The following VPS53 variants were observed in gnomAD, a reference collection of about 807,000 sequenced individuals.
The protein encoded by VPS53 is vacuolar protein sorting-associated protein 53 homolog.
Under a neutral mutation model 107.0 loss-of-function variants are expected in VPS53, and 70 were observed. The ratio of observed to expected loss-of-function variants is 0.65; its 90% confidence interval spans 0.54 to 0.80. The LOEUF (loss-of-function observed/expected upper bound fraction) is 0.80, where lower values mean the gene tolerates loss of function less well. Among genes scored for constraint, VPS53 ranks in the 30% least tolerant of loss-of-function variants. VPS53 has a pLI of 0.00. For missense variants in VPS53, 917 were observed against 1,049.4 expected, an observed-to-expected ratio of 0.87 and a Z score of 1.74; for synonymous variants, 409 against 393.3, an observed-to-expected ratio of 1.04 and a Z score of -0.47.
intron 2 of VPS53, among the ~76,000 whole-genome samples, chr17:700,412 T>TCAAACTCC (rs1973153890): frequency 1.5e-4 from 22 of 150,976 alleles, no homozygotes; most frequent in Admixed American, 1.1e-3. Flanking sequence ...TTAGGCAGGC[T>TCAAACTCC]TGGTGGTGGG....
chr17:690,737 T>G (rs966464258), intron 4 of VPS53, among the ~76,000 whole-genome samples: 1 of 147,294 alleles, frequency 6.8e-6, no homozygotes, highest in African/African-American at 2.4e-5. Context: ...AAATAAAAAA[T>G]CTCAGCAAAT....
intron 17 of VPS53, among the ~76,000 whole-genome samples, chr17:551,450 C>A (rs1911810410): frequency 6.6e-6 from 1 of 152,064 alleles, no homozygotes; most frequent in African/African-American, 2.4e-5. Flanking sequence ...CACCTGTGGT[C>A]TCAGCTACTT....
chr17:709,295 T>G (rs1416940592), intron 2 of VPS53, among the ~76,000 whole-genome samples: 2 of 152,108 alleles, frequency 1.3e-5, no homozygotes, highest in Non-Finnish European at 2.9e-5. Context: ...TTTGTTGGTT[T>G]ATTTCTTGTC....
At chr17:531,513 T>C (rs1459058224) in intron 19 of VPS53, among the ~76,000 whole-genome samples, 1 of 152,170 alleles carries the variant, frequency 6.6e-6, no homozygotes, top group African/African-American at 2.4e-5. Flanking sequence ...CTCTTTTTTT[T>C]TTTGTGGGGC....
Position 519,928 on chromosome 17 carries a change from T to C in VPS53, c.2226A>G (p.Val742=). 6.4e-7 allele frequency: 1 copy of C among 1,550,506 alleles called. No homozygotes were observed. Among genetic ancestry groups the C allele is most frequent in the Non-Finnish European group, 8.7e-7 (1 of 1,146,000 alleles). ...CCAACGGTTCATGAGGGGCCATCACTACCTACAGCGGGAGGAGACAGGAGC... is the reference window on the plus strand; with the variant it reads ...CCAACGGTTCATGAGGGGCCATCACCACCTACAGCGGGAGGAGACAGGAGC... ...GMTRAEMILK[V]VMAPHEPLVV... is the part of the protein sequence containing the mutation. The change falls in exon 21 of 22, where the codon GTA becomes GTG. Residue 742 remains valine (V), a splice_region_variant and synonymous_variant. Transcript: ENST00000437048. The surrounding 1 kb of genome is among the most constrained non-coding windows in gnomAD (Gnocchi z 5.0).
rs147799473 is a variant in VPS53, at chr17:547,021, C to T, written c.1866+4851G>A. Among the ~76,000 whole-genome samples, 339 of 151,988 alleles carry T rather than the reference C, an allele frequency of 2.2e-3. 1 individual carries two copies. The highest frequency in any genetic ancestry group is 7.8e-3 in the African/African-American group (322 of 41,464). The stretch of plus-strand genomic sequence containing the variant: ...TCCCAAGTAGCTGGGATTACAGGCA[C>T]GCACGCTACCACACCCGGCTAATTT... On this transcript the variant is annotated intron_variant, in intron 17 of 21. Transcript: ENST00000437048.
intron 4 of VPS53, among the ~76,000 whole-genome samples, chr17:683,014 A>T (rs896934539): frequency 8.5e-5 from 13 of 152,236 alleles, no homozygotes; most frequent in Non-Finnish European, 1.3e-4. Context: ...ACATGGTGTC[A>T]GAGCTGAAGA....
At chr17:697,614 A>G (rs1567748116) in intron 3 of VPS53, 130 bp from the exon 4 acceptor site, 1 of 719,602 alleles carries the variant, frequency 1.4e-6, no homozygotes, top group Non-Finnish European at 2.4e-6. Context: ...AAAACCAAAC[A>G]TGTGTGAGTG....
At chr17:690,967 C>A (rs1466585868) in intron 4 of VPS53, among the ~76,000 whole-genome samples, 1 of 152,164 alleles carries the variant, frequency 6.6e-6, no homozygotes, top group Non-Finnish European at 1.5e-5. Flanking sequence ...GACCCCCAGT[C>A]CCTAAGTTAA....
intron 4 of VPS53, among the ~76,000 whole-genome samples, chr17:694,808 T>C (rs548722940): frequency 6.6e-6 from 1 of 152,276 alleles, no homozygotes; most frequent in South Asian, 2.1e-4. Flanking sequence ...CGCTCTGTCA[T>C]CCGGGCTGGA....
chr17:579,394 T>C (rs569623711), intron 13 of VPS53, among the ~76,000 whole-genome samples: 1 of 150,708 alleles, frequency 6.6e-6, no homozygotes, highest in African/African-American at 2.5e-5. Context: ...AGAATCTCAG[T>C]GCATTACCGG....
chr17:529,645 C>G (rs1008865798), intron 19 of VPS53, among the ~76,000 whole-genome samples: 2 of 152,060 alleles, frequency 1.3e-5, no homozygotes, highest in African/African-American at 4.8e-5. Context: ...TTTTAAAGGT[C>G]TTTATGGATT....
At chr17:701,598 G>A (rs1004629748) in intron 2 of VPS53, among the ~76,000 whole-genome samples, 24 of 151,972 alleles carry the variant, frequency 1.6e-4, no homozygotes, top group African/African-American at 5.6e-4. Context: ...GGATGGTCTC[G>A]ATCTCTTGAC....
At chr17:581,084 C>T (rs1966990371) in intron 13 of VPS53, among the ~76,000 whole-genome samples, 1 of 152,198 alleles carries the variant, frequency 6.6e-6, no homozygotes, top group Middle Eastern at 3.4e-3. Context: ...CAGAGAACTT[C>T]CCTCAGGACC....
At chr17:697,565 T>A in intron 3 of VPS53, 81 bp from the exon 4 acceptor site, 1 of 1,200,492 alleles carries the variant, frequency 8.3e-7, no homozygotes, top group East Asian at 2.3e-5. Flanking sequence ...AAAAAGTAAT[T>A]TATTCATCAA....
rs11397361 is a variant in VPS53, at chr17:518,284, CGGG to C, written c.*841_*843del. On this transcript the variant is annotated 3_prime_UTR_variant, in exon 22 of 22. Coordinates refer to ENST00000437048, the MANE Select transcript of VPS53 (RefSeq NM_001128159.3). ...GAGAGCCCGCGGTGGACAGGAAGGG[CGGG>C]GGGGGCGGGCAGGCTGCGTGCCAGG... 5.6e-5 allele frequency: 7 copies of C among 125,786 alleles called. No individual in the cohort carries two copies. Among genetic ancestry groups the C allele is most frequent in the African/African-American group, 1.9e-4 (7 of 37,662 alleles). The allele number at this position is 125,786 out of a possible 1,614,324, so 7.8% of individuals were successfully genotyped here.
rs34869514 is a variant in VPS53 at position 662,773 on chromosome 17, G to GAAAGAAAGAAAGAAAGAAAGAA, written c.286-879_286-878insTTCTTTCTTTCTTTCTTTCTTT. Among the ~76,000 whole-genome samples the GAAAGAAAGAAAGAAAGAAAGAA allele has an allele frequency of 1.3e-4, 8 of 59,428 alleles. No individual in the cohort carries two copies. In the East Asian group the frequency reaches 1.3e-3, roughly 10 times the overall value. The allele number at this position is 59,428 out of a possible 152,430, so 39.0% of individuals were successfully genotyped here. A position where few individuals can be genotyped will look rare whatever the true frequency, so the allele number is the denominator to read the frequency against. The stretch of plus-strand genomic sequence containing the variant: ...AAAGAGAAAGAAAGAAAGAAAGAAA[G>GAAAGAAAGAAAGAAAGAAAGAA]AGAAAGAAAGAAAAAAAGAAAGAGA... On this transcript the variant is annotated intron_variant, in intron 4 of 21. Transcript: ENST00000437048.
rs1968340468 is a variant in VPS53 at position 601,834 on chromosome 17, C to T, written c.1179G>A (p.Glu393=). Residue 393 remains glutamate, a synonymous_variant, in exon 12 of 22, where the codon GAG becomes GAA. Coordinates refer to ENST00000437048, the MANE Select transcript of VPS53 (RefSeq NM_001128159.3). ...CTTTCTCCGTTGCCAGTTCCTCCAT[C>T]TCTGGTGTTGGCTCATCTTCCAGGA... The part of the protein sequence containing the change: ...NPFLEDEPTP[E]MEELATEKGD... 1 of 1,602,668 alleles carries T rather than the reference C, an allele frequency of 6.2e-7. No homozygotes were observed. Among genetic ancestry groups the T allele is most frequent in the African/African-American group, 1.3e-5 (1 of 74,518 alleles).
intron 4 of VPS53, among the ~76,000 whole-genome samples, chr17:670,601 T>C (rs1378779466): frequency 6.6e-6 from 1 of 152,224 alleles, no homozygotes; most frequent in Non-Finnish European, 1.5e-5. Flanking sequence ...TCTGATTCAT[T>C]GGCAGTGCCT....
Sources: gnomAD v4.1 joint callset for allele counts (sites outside exome capture counted in the v4.1 genomes callset) on GRCh38, gnomAD v4.1.1 for gene constraint, Gnocchi (gnomAD v3.1) non-coding constraint, MANE v1.5 for transcripts, NCBI Gene and HGNC (gene_info 2026-07-23, HGNC 2026-07-21) for gene names.